ADAMTSL1: variants seen among roughly 807,000 people sequenced by gnomAD.
ADAMTSL1 encodes ADAMTS-like protein 1.
ADAMTSL1 carries 126 observed loss-of-function variants against 201.8 expected under a neutral mutation model. The ratio of observed to expected loss-of-function variants is 0.62; its 90% CI spans 0.54 to 0.72. ADAMTSL1 has a LOEUF of 0.72. Ranked by LOEUF, ADAMTSL1 falls within the 30% of genes least tolerant of loss-of-function variation. The probability of loss-of-function intolerance (pLI) is 0.00; values close to 1 mark genes in which losing one functional copy is unlikely to be tolerated. For missense variants in ADAMTSL1, 2,679 were observed against 2,277.8 expected, an observed-to-expected ratio of 1.18 and a Z score of -3.59; for synonymous variants, 1,121 against 903.4, an observed-to-expected ratio of 1.24 and a Z score of -4.32.
chr9:18,450,624 G>A (rs908636665), intron 2 of ADAMTSL1, among the ~76,000 whole-genome samples: 2 of 151,664 alleles, frequency 1.3e-5, no homozygotes, highest in African/African-American at 4.8e-5. Flanking sequence ...ATGTGCATAT[G>A]TGTGTATACA....
intron 2 of ADAMTSL1, among the ~76,000 whole-genome samples, chr9:18,461,905 C>T (rs1446079173): frequency 6.6e-6 from 1 of 152,156 alleles, no homozygotes; most frequent in Non-Finnish European, 1.5e-5. Context: ...ACATCTTCCC[C>T]TTGCCGCATA....
intron 2 of ADAMTSL1, among the ~76,000 whole-genome samples, chr9:18,253,441 CAA>C (rs1409995291): frequency 6.6e-6 from 1 of 152,078 alleles, no homozygotes; most frequent in Non-Finnish European, 1.5e-5. Context: ...CTAATTTTAT[CAA>C]AGATAGTGTA....
At chr9:18,444,624 T>C (rs1370830982) in intron 2 of ADAMTSL1, among the ~76,000 whole-genome samples, 1 of 152,192 alleles carries the variant, frequency 6.6e-6, no homozygotes, top group African/African-American at 2.4e-5. Flanking sequence ...ATTGTAAGAA[T>C]ATTCTACTCC....
intron 2 of ADAMTSL1, among the ~76,000 whole-genome samples, chr9:18,378,396 G>A (rs1007502581): frequency 2.8e-4 from 43 of 152,198 alleles, no homozygotes; most frequent in African/African-American, 8.7e-4. Context: ...AAGAGTCTTG[G>A]CACTAAGCCA....
At chr9:18,279,107 C>G (rs1003704573) in intron 2 of ADAMTSL1, among the ~76,000 whole-genome samples, 2 of 152,076 alleles carry the variant, frequency 1.3e-5, no homozygotes, top group African/African-American at 4.8e-5. Flanking sequence ...CTGTGTTCTC[C>G]TGTAGCTCAC....
chr9:18,709,392 G>C (rs183551107), intron 14 of ADAMTSL1, among the ~76,000 whole-genome samples: 1 of 152,250 alleles, frequency 6.6e-6, no homozygotes, highest in East Asian at 1.9e-4. Flanking sequence ...AAATCTGCAG[G>C]ATTAACAAAT....
At chr9:18,520,244 C>G (rs907790335) in intron 2 of ADAMTSL1, among the ~76,000 whole-genome samples, 1 of 152,100 alleles carries the variant, frequency 6.6e-6, no homozygotes, top group African/African-American at 2.4e-5. Context: ...TCCATATGGT[C>G]GAGAGAAGAT....
At chr9:18,650,084 C>T (rs1428547616) in intron 7 of ADAMTSL1, among the ~76,000 whole-genome samples, 1 of 152,232 alleles carries the variant, frequency 6.6e-6, no homozygotes, top group East Asian at 1.9e-4. Flanking sequence ...CCTAAGCAAG[C>T]CTGGGCAATG....
intron 13 of ADAMTSL1, among the ~76,000 whole-genome samples, chr9:18,703,176 C>G (rs1449960396): frequency 6.6e-6 from 1 of 152,156 alleles, no homozygotes; most frequent in Non-Finnish European, 1.5e-5. Flanking sequence ...AAAGGTCCCT[C>G]TTTAAAGCTT....
At chr9:18,071,301 A>G (rs540076414) in intron 1 of ADAMTSL1, among the ~76,000 whole-genome samples, 9 of 152,308 alleles carry the variant, frequency 5.9e-5, no homozygotes, top group South Asian at 2.1e-4. Context: ...GAGCATATCT[A>G]TGGGAGTGCT....
intron 2 of ADAMTSL1, among the ~76,000 whole-genome samples, chr9:18,530,580 CCAAAT>C (rs1819382701): frequency 6.6e-6 from 1 of 152,100 alleles, no homozygotes; most frequent in Admixed American, 6.6e-5. Context: ...TGCAGGCATG[CCAAAT>C]CTTCTTGTGC....
At chr9:18,776,744 C>G (rs1340282526) in intron 18 of ADAMTSL1, 37 bp from the exon 19 acceptor site, 1 of 1,509,250 alleles carries the variant, frequency 6.6e-7, no homozygotes, top group Non-Finnish European at 8.8e-7. Flanking sequence ...CTCTCCCCAC[C>G]TCTTTCTCTG....
At chr9:18,714,240 A>G (rs1445771911) in intron 14 of ADAMTSL1, among the ~76,000 whole-genome samples, 1 of 151,066 alleles carries the variant, frequency 6.6e-6, no homozygotes, top group Admixed American at 6.6e-5. Flanking sequence ...GGCAAGAAAT[A>G]ACTAAAATCA....
intron 1 of ADAMTSL1, among the ~76,000 whole-genome samples, chr9:17,937,972 T>C (rs925911642): frequency 3.9e-5 from 6 of 152,132 alleles, no homozygotes; most frequent in Non-Finnish European, 7.4e-5. Context: ...ACCCAATAAC[T>C]CTTCTCCAGT....
intron 1 of ADAMTSL1, among the ~76,000 whole-genome samples, chr9:18,133,710 C>G (rs1441327288): frequency 6.6e-6 from 1 of 152,078 alleles, no homozygotes; most frequent in Non-Finnish European, 1.5e-5. Flanking sequence ...ACCCAGAGTT[C>G]TTAGCCCTGT....
At chr9:18,600,284 C>A (rs1323302504) in intron 4 of ADAMTSL1, among the ~76,000 whole-genome samples, 1 of 152,144 alleles carries the variant, frequency 6.6e-6, no homozygotes, top group Admixed American at 6.5e-5. Flanking sequence ...TAAGCTCTAA[C>A]CATGCCAGAC....
rs1400790982 is a variant in ADAMTSL1 at position 18,714,839 on chromosome 9, A to C, written c.1877-6697A>C. Among the ~76,000 whole-genome samples the C allele has an allele frequency of 6.9e-3, 1,054 of 151,786 alleles. 6 individuals carry two copies. The highest frequency in any genetic ancestry group is 0.023 in the African/African-American group (960 of 41,410). On this transcript the variant is annotated intron_variant, in intron 14 of 28. Transcript: ENST00000380548. ...AATATCCTTGATGAACATTGATGCA[A>C]AAATCCTCAGTAAAATACTGGCAAA...
At chr9:17,992,178 C>G (rs1819182870) in intron 1 of ADAMTSL1, among the ~76,000 whole-genome samples, 1 of 152,104 alleles carries the variant, frequency 6.6e-6, no homozygotes, top group African/African-American at 2.4e-5. Context: ...CCAGGTTATC[C>G]TTTCCTGGTT....
intron 19 of ADAMTSL1, among the ~76,000 whole-genome samples, chr9:18,784,781 C>T (rs114348507): frequency 6.6e-5 from 10 of 152,148 alleles, no homozygotes; most frequent in African/African-American, 2.2e-4. Context: ...CTCACAATAA[C>T]CCTTTGAAGT....
Sources: gnomAD v4.1 joint callset for allele counts (sites outside exome capture counted in the v4.1 genomes callset) on GRCh38, gnomAD v4.1.1 for gene constraint, MANE v1.5 for transcripts, NCBI Gene and HGNC (gene_info 2026-07-23, HGNC 2026-07-21) for gene names.